GPC6: variants seen among roughly 807,000 people sequenced by gnomAD.
GPC6 encodes the protein glypican-6.
Under a neutral mutation model 55.2 loss-of-function variants are expected in GPC6, and 14 were observed. The observed-to-expected ratio is 0.25, with a 90% CI of 0.17 to 0.40. The LOEUF is 0.40. Ranked by LOEUF, GPC6 falls within the 10% of genes least tolerant of loss-of-function variation. The pLI is 1.00. For missense variants in GPC6, 641 were observed against 708.5 expected, an observed-to-expected ratio of 0.90 and a Z score of 1.08; for synonymous variants, 278 against 259.6, an observed-to-expected ratio of 1.07 and a Z score of -0.68.
chr13:94,098,713 G>T (rs146019082), intron 4 of GPC6, among the ~76,000 whole-genome samples: 2 of 152,164 alleles, frequency 1.3e-5, no homozygotes, highest in African/African-American at 4.8e-5. Flanking sequence ...TTCAACTTTC[G>T]TATGCTGTAG....
chr13:93,733,568 A>C (rs896710812), intron 2 of GPC6, among the ~76,000 whole-genome samples: 3 of 151,398 alleles, frequency 2.0e-5, no homozygotes, highest in African/African-American at 7.3e-5. Context: ...TCACACTTGA[A>C]ATTTTTATGT....
chr13:93,511,469 A>T (rs532912711), intron 1 of GPC6, among the ~76,000 whole-genome samples: 1 of 151,838 alleles, frequency 6.6e-6, no homozygotes, highest in East Asian at 1.9e-4. Flanking sequence ...TGGCTTTGTC[A>T]AAGATTAGTT....
chr13:94,243,526 A>G (rs1206431865), intron 4 of GPC6, among the ~76,000 whole-genome samples: 1 of 152,096 alleles, frequency 6.6e-6, no homozygotes, highest in Non-Finnish European at 1.5e-5. Context: ...CCTGTCACTC[A>G]CTGGCAGGAC....
At chr13:94,101,202 G>A (rs1363152543) in intron 4 of GPC6, among the ~76,000 whole-genome samples, 1 of 152,206 alleles carries the variant, frequency 6.6e-6, no homozygotes, top group Admixed American at 6.5e-5. Context: ...TCAGTTCAAG[G>A]TTAGCAGATC....
In GPC6 at chr13:93,683,084, A is replaced by G. The variant is rs147520276; in HGVS notation, c.319+137663A>G. On this transcript the variant is annotated intron_variant, in intron 2 of 8. Transcript: ENST00000377047. ...TCTAGATATTAAATCCTTAATTTCC[A>G]TGTAACTCTGAAAAATAACATTTAT... is the stretch of plus-strand genomic sequence containing the variant. 4.7e-3 allele frequency among the ~76,000 whole-genome samples: 708 copies of G among 152,058 alleles called. 9 individuals carry two copies. Among genetic ancestry groups the G allele is most frequent in the African/African-American group, 0.016 (669 of 41,554 alleles).
At chr13:93,653,867 C>T (rs2044780471) in intron 2 of GPC6, among the ~76,000 whole-genome samples, 1 of 152,082 alleles carries the variant, frequency 6.6e-6, no homozygotes, top group South Asian at 2.1e-4. Flanking sequence ...AAAAATAAGG[C>T]ATTTTAAATT....
chr13:93,784,536 C>A (rs577729984), intron 2 of GPC6, among the ~76,000 whole-genome samples: 1 of 152,182 alleles, frequency 6.6e-6, no homozygotes, highest in East Asian at 1.9e-4. Context: ...AAGCACCTAG[C>A]CTTCAGCTTA....
At chr13:94,145,645 A>C (rs61962342) in intron 4 of GPC6, among the ~76,000 whole-genome samples, 27,722 of 152,136 alleles carry the variant, frequency 0.18, 2,837 homozygotes, top group Non-Finnish European at 0.23. Flanking sequence ...TAACTTACTC[A>C]TTAATTCAGT....
At chr13:93,715,540 G>A (rs1883222109) in intron 2 of GPC6, among the ~76,000 whole-genome samples, 1 of 151,342 alleles carries the variant, frequency 6.6e-6, no homozygotes, top group South Asian at 2.1e-4. Flanking sequence ...CTGGGTGATG[G>A]GATCATTCAT....
intron 1 of GPC6, among the ~76,000 whole-genome samples, chr13:93,446,500 A>G (rs991775034): frequency 2.0e-5 from 3 of 152,202 alleles, no homozygotes; most frequent in African/African-American, 7.2e-5. Flanking sequence ...TTTACAGCCA[A>G]GTTGGGTTTT....
At chr13:93,880,620 C>G (rs1380624864) in intron 3 of GPC6, among the ~76,000 whole-genome samples, 2 of 151,836 alleles carry the variant, frequency 1.3e-5, no homozygotes, top group Non-Finnish European at 2.9e-5. Flanking sequence ...TGCTAGATGA[C>G]GAGTTAATGG....
intron 1 of GPC6, among the ~76,000 whole-genome samples, chr13:93,469,921 G>T (rs1034695731): frequency 2.0e-5 from 3 of 152,064 alleles, no homozygotes; most frequent in African/African-American, 7.2e-5. Flanking sequence ...GAAATTTAAT[G>T]ACCATATTGG....
intron 2 of GPC6, among the ~76,000 whole-genome samples, chr13:93,632,143 T>C (rs753568120): frequency 2.6e-5 from 4 of 152,190 alleles, no homozygotes; most frequent in Non-Finnish European, 5.9e-5. Flanking sequence ...TTTAAAACAT[T>C]GGATTGCCTC....
At chr13:93,769,649 C>A (rs1186672773) in intron 2 of GPC6, among the ~76,000 whole-genome samples, 2 of 152,154 alleles carry the variant, frequency 1.3e-5, no homozygotes, top group East Asian at 3.9e-4. Context: ...TTTGTGCTTG[C>A]ACACTTGCTT....
intron 4 of GPC6, among the ~76,000 whole-genome samples, chr13:94,279,878 T>C (rs959589764): frequency 6.6e-6 from 1 of 152,224 alleles, no homozygotes; most frequent in African/African-American, 2.4e-5. Flanking sequence ...TGATCAATTT[T>C]AGAGCAAGTG....
chr13:93,276,682 G>C (rs1594068176), intron 1 of GPC6, among the ~76,000 whole-genome samples: 1 of 152,086 alleles, frequency 6.6e-6, no homozygotes, highest in African/African-American at 2.4e-5. Context: ...GACGGAGGTG[G>C]TGCATGGAGC....
At chr13:93,883,541 T>C (rs1056895414) in intron 3 of GPC6, among the ~76,000 whole-genome samples, 1 of 151,970 alleles carries the variant, frequency 6.6e-6, no homozygotes, top group Non-Finnish European at 1.5e-5. Context: ...AATTTGCATT[T>C]CTCTAATCAT....
chr13:93,635,457 G>T (rs1161398592), intron 2 of GPC6, among the ~76,000 whole-genome samples: 1 of 152,104 alleles, frequency 6.6e-6, no homozygotes, highest in Non-Finnish European at 1.5e-5. Flanking sequence ...GATGTCAGAA[G>T]TCTATTGCAA....
At chr13:93,294,960 A>G (rs1218087132) in intron 1 of GPC6, among the ~76,000 whole-genome samples, 1 of 151,632 alleles carries the variant, frequency 6.6e-6, no homozygotes, top group East Asian at 1.9e-4. Flanking sequence ...TGGTTAAGTC[A>G]GTTCAGGTTG....
Sources: gnomAD v4.1 joint callset for allele counts (sites outside exome capture counted in the v4.1 genomes callset) on GRCh38, gnomAD v4.1.1 for gene constraint, MANE v1.5 for transcripts, NCBI Gene and HGNC (gene_info 2026-07-23, HGNC 2026-07-21) for gene names.